The following HDAC9 variants were observed in gnomAD, a reference collection of about 807,000 sequenced individuals.
HDAC9 encodes the protein MEF-2 interacting transcription repressor (MITR) protein.
In HDAC9, 41 loss-of-function variants were observed where a neutral mutation model predicts 139.4. The ratio of observed to expected loss-of-function variants is 0.29; its 90% CI spans 0.23 to 0.38. HDAC9 has a LOEUF of 0.38. Among genes scored for constraint, HDAC9 ranks in the 10% least tolerant of loss-of-function variants. HDAC9 has a pLI of 1.00. For missense variants in HDAC9, 1,147 were observed against 1,297.0 expected, an observed-to-expected ratio of 0.88 and a Z score of 1.78; for synonymous variants, 517 against 476.2, an observed-to-expected ratio of 1.09 and a Z score of -1.12.
chr7:18,820,519 T>C (rs1794884430), intron 17 of HDAC9, among the ~76,000 whole-genome samples: 1 of 152,178 alleles, frequency 6.6e-6, no homozygotes, highest in South Asian at 2.1e-4. Flanking sequence ...GAAGGTGTTG[T>C]GCTCCCAAGT....
At chr7:18,843,005 T>G (rs544189045) in intron 21 of HDAC9, among the ~76,000 whole-genome samples, 1 of 152,246 alleles carries the variant, frequency 6.6e-6, no homozygotes, top group African/African-American at 2.4e-5. Flanking sequence ...TTACTTCTTC[T>G]TATTGTTTTT....
rs190741870 is a variant in HDAC9 at position 18,090,050 on chromosome 7, A to T, written c.-97+2837A>T. 3.7e-4 allele frequency among the ~76,000 whole-genome samples: 57 copies of T among 152,256 alleles called. 2 individuals carry two copies. The East Asian group carries it at 0.01, about 27-fold the overall frequency. On this transcript the variant is annotated intron_variant, in intron 1 of 12. Coordinates refer to the HDAC9 transcript ENST00000417496. ...TTGCATGCATCTGCAGATATATACA[A>T]TTGTTTCCCAGTTTGTTATTATAAT...
At chr7:18,490,461 C>G (rs1796280118) in intron 1 of HDAC9, among the ~76,000 whole-genome samples, 1 of 152,002 alleles carries the variant, frequency 6.6e-6, no homozygotes, top group Non-Finnish European at 1.5e-5. Flanking sequence ...TCAAATATAA[C>G]AGTCTCCCTG....
chr7:18,992,983 T>C (rs960068502), intron 25 of HDAC9, among the ~76,000 whole-genome samples: 1 of 152,238 alleles, frequency 6.6e-6, no homozygotes, highest in African/African-American at 2.4e-5. Flanking sequence ...CAAGGTGAAG[T>C]AGACATGTAT....
At chr7:18,922,450 G>A (rs1297602443) in intron 22 of HDAC9, among the ~76,000 whole-genome samples, 1 of 152,058 alleles carries the variant, frequency 6.6e-6, no homozygotes, top group Non-Finnish European at 1.5e-5. Context: ...TTTGTAGTCA[G>A]ATGACCTTCA....
At chr7:18,814,429 A>C (rs1012846727) in intron 17 of HDAC9, among the ~76,000 whole-genome samples, 1 of 152,136 alleles carries the variant, frequency 6.6e-6, no homozygotes, top group African/African-American at 2.4e-5. Context: ...TATATTGCGG[A>C]TGTTCCTTGC....
chr7:18,192,711 A>C (rs542582113), intron 2 of HDAC9, among the ~76,000 whole-genome samples: 2 of 152,306 alleles, frequency 1.3e-5, no homozygotes, highest in South Asian at 4.2e-4. Context: ...TCATGAAATC[A>C]ATTTAGTAGG....
intron 21 of HDAC9, among the ~76,000 whole-genome samples, chr7:18,871,315 TGTA>T (rs1158927621): frequency 6.6e-6 from 1 of 152,158 alleles, no homozygotes; most frequent in Non-Finnish European, 1.5e-5. Context: ...TCCAGAGTCA[TGTA>T]GTATTTTCCC....
chr7:18,859,854 A>ATG (rs1797975861), intron 21 of HDAC9, among the ~76,000 whole-genome samples: 1 of 121,930 alleles, frequency 8.2e-6, no homozygotes, highest in Non-Finnish European at 1.7e-5. Flanking sequence ...ATATATATAT[A>ATG]TATATGTGAG....
At chr7:18,724,945 G>A (rs558704029) in intron 12 of HDAC9, among the ~76,000 whole-genome samples, 2 of 152,154 alleles carry the variant, frequency 1.3e-5, no homozygotes, top group African/African-American at 2.4e-5. Context: ...AGGGGAAAGC[G>A]CAATTAATGT....
chr7:18,446,384 A>T (rs1255436957), intron 1 of HDAC9, among the ~76,000 whole-genome samples: 1 of 152,130 alleles, frequency 6.6e-6, no homozygotes, highest in Non-Finnish European at 1.5e-5. Context: ...GGGTGGGTTT[A>T]AAAGAAGAAA....
intron 2 of HDAC9, among the ~76,000 whole-genome samples, chr7:18,181,125 T>C (rs1266298540): frequency 6.6e-6 from 1 of 152,178 alleles, no homozygotes; most frequent in East Asian, 1.9e-4. Flanking sequence ...CCCTAAGAGG[T>C]AACATTCACA....
intron 1 of HDAC9, among the ~76,000 whole-genome samples, chr7:18,331,844 G>T (rs1800949565): frequency 6.6e-6 from 1 of 151,472 alleles, no homozygotes; most frequent in Non-Finnish European, 1.5e-5. Context: ...CCTCAATAGA[G>T]ATTGCTTGAA....
chr7:18,719,098 G>A lies in HDAC9; in HGVS notation c.1732-8482G>A, dbSNP rs373111167. On this transcript the variant is annotated intron_variant, in intron 12 of 25. Transcript: ENST00000686413. ...AGAACTTTTCCCATTTTTAAATTGGGTTGCCTGTTATCTTTACCTGTTCAC... is the reference window on the plus strand; with the variant it reads ...AGAACTTTTCCCATTTTTAAATTGGATTGCCTGTTATCTTTACCTGTTCAC... 1.8e-4 allele frequency among the ~76,000 whole-genome samples: 28 copies of A among 152,066 alleles called. No individual in the cohort carries two copies. The South Asian group carries it at 5.4e-3, about 29-fold the overall frequency.
chr7:18,809,380 A>G (rs1000537747), intron 17 of HDAC9, among the ~76,000 whole-genome samples: 2 of 152,054 alleles, frequency 1.3e-5, no homozygotes, highest in Non-Finnish European at 1.5e-5. Context: ...AAAGAAAACA[A>G]TCGACAAAAT....
chr7:18,685,389 C>T (rs901199504), intron 12 of HDAC9, among the ~76,000 whole-genome samples: 11 of 151,710 alleles, frequency 7.3e-5, no homozygotes, highest in Non-Finnish European at 1.5e-4. Context: ...GCCAGCTATA[C>T]AATTTCTAGG....
chr7:18,132,354 A>G (rs966495591), intron 1 of HDAC9, among the ~76,000 whole-genome samples: 3 of 152,162 alleles, frequency 2.0e-5, no homozygotes, highest in African/African-American at 4.8e-5. Context: ...ATTTTGTCAT[A>G]TCTGAATATA....
At chr7:18,368,485 A>G (rs1455985449) in intron 1 of HDAC9, among the ~76,000 whole-genome samples, 1 of 151,794 alleles carries the variant, frequency 6.6e-6, no homozygotes, top group African/African-American at 2.4e-5. Flanking sequence ...CATTGCTGAG[A>G]CCTTTGCTTC....
intron 1 of HDAC9, among the ~76,000 whole-genome samples, chr7:18,094,408 G>T (rs992540503): frequency 3.3e-5 from 5 of 151,346 alleles, no homozygotes; most frequent in African/African-American, 1.2e-4. Context: ...TTCTTTCACA[G>T]CCTGGACCCA....
Sources: allele counts gnomAD v4.1 joint callset (sites outside exome capture counted in the v4.1 genomes callset), GRCh38; gene constraint gnomAD v4.1.1; transcripts MANE v1.5; gene names NCBI Gene and HGNC (gene_info 2026-07-23, HGNC 2026-07-21).